SAMSN1: variants seen among roughly 807,000 people sequenced by gnomAD.
The protein encoded by SAMSN1 is SAM domain-containing protein SAMSN-1.
Under a neutral mutation model 42.0 loss-of-function variants are expected in SAMSN1, and 31 were observed. That is an observed-to-expected ratio of 0.74 (90% confidence interval 0.55 to 1.00). The LOEUF (loss-of-function observed/expected upper bound fraction) is 1.00, where lower values mean the gene tolerates loss of function less well. SAMSN1 is among the 50% of genes least tolerant of loss of function. SAMSN1 has a pLI of 0.00. For synonymous variants in SAMSN1, 178 were observed against 151.9 expected, an observed-to-expected ratio of 1.17 and a Z score of -1.26; for missense variants, 464 against 439.4, an observed-to-expected ratio of 1.06 and a Z score of -0.50.
At chr21:14,623,300 C>T (rs986301325) in intron 2 of SAMSN1, among the ~76,000 whole-genome samples, 5 of 152,150 alleles carry the variant, frequency 3.3e-5, no homozygotes, top group Non-Finnish European at 7.4e-5. Context: ...GGGTTAAATG[C>T]TCCAATTAAA....
At chr21:14,500,152 C>T (rs1408386988) in intron 6 of SAMSN1, among the ~76,000 whole-genome samples, 1 of 152,044 alleles carries the variant, frequency 6.6e-6, no homozygotes, top group Non-Finnish European at 1.5e-5. Flanking sequence ...GTAGAAAATA[C>T]AATTCCCTTC....
intron 1 of SAMSN1, among the ~76,000 whole-genome samples, chr21:14,526,419 A>G (rs965671471): frequency 6.6e-6 from 1 of 152,204 alleles, no homozygotes; most frequent in African/African-American, 2.4e-5. Flanking sequence ...GTACAGAACC[A>G]GGGTCAGCTG....
At chr21:14,496,279 G>C (rs1251991172) in intron 7 of SAMSN1, 2 of 152,164 alleles carry the variant, frequency 1.3e-5, no homozygotes, top group Non-Finnish European at 2.9e-5. Context: ...ATGTGGAGGA[G>C]TTTTACAGCA....
In SAMSN1 at chr21:14,619,743, A is replaced by G. The variant is rs1600967894; in HGVS notation, c.157-3727T>C. On this transcript the variant is annotated intron_variant, in intron 2 of 15. Transcript: ENST00000647101. ...ATTTATTAAAAGTTTTATGTGGCAT[A>G]AACCTTCAGAAATGAAGTCCCTAAA... 1.3e-5 allele frequency: 3 copies of G among 226,156 alleles called. No homozygotes were observed. The East Asian group carries it at 3.7e-4, about 28-fold the overall frequency. The allele number at this position is 226,156 out of a possible 1,614,324, so 14.0% of individuals were successfully genotyped here. A position where few individuals can be genotyped will look rare whatever the true frequency, so the allele number is the denominator to read the frequency against.
intron 7 of SAMSN1, among the ~76,000 whole-genome samples, chr21:14,493,446 G>A (rs530381480): frequency 6.6e-6 from 1 of 152,154 alleles, no homozygotes; most frequent in South Asian, 2.1e-4. Context: ...GCTTCTGAAT[G>A]TGAAAAATGA....
At chr21:14,493,841 A>G (rs1231936405) in intron 7 of SAMSN1, among the ~76,000 whole-genome samples, 1 of 152,138 alleles carries the variant, frequency 6.6e-6, no homozygotes, top group Non-Finnish European at 1.5e-5. Context: ...TTTAAATGCA[A>G]CACAGGAGCA....
At chr21:14,490,821 T>C (rs970589980) in intron 7 of SAMSN1, among the ~76,000 whole-genome samples, 2 of 151,254 alleles carry the variant, frequency 1.3e-5, no homozygotes, top group African/African-American at 4.9e-5. Flanking sequence ...TAACGAGATG[T>C]GTACCTGGAA....
At position 14,485,823 on chromosome 21, in the gene SAMSN1, T is replaced by G; in HGVS notation, c.*89A>C. 3.0e-6 allele frequency: 3 copies of G among 1,000,840 alleles called. No individual in the cohort carries two copies. Among genetic ancestry groups the G allele is most frequent in the Non-Finnish European group, 4.7e-6 (3 of 643,522 alleles). 62.0% of individuals were successfully genotyped at this position (1,000,840 alleles called of 1,614,324 possible). Reference sequence around the variant, plus strand: ...AACTTTAGGTTTTATTTACAAATATTTATCTTATCTTCCTCTCCTATTTGA... The same window carrying G: ...AACTTTAGGTTTTATTTACAAATATGTATCTTATCTTCCTCTCCTATTTGA... On this transcript the variant is annotated 3_prime_UTR_variant, in exon 8 of 8. Coordinates refer to ENST00000400566, the MANE Select transcript of SAMSN1 (RefSeq NM_022136.5).
intron 1 of SAMSN1, chr21:14,523,262 G>C (rs1409975255): frequency 6.6e-6 from 1 of 152,156 alleles, no homozygotes; most frequent in African/African-American, 2.4e-5. Context: ...GAAATAAAAA[G>C]ATCCTGACCT....
At chr21:14,506,878 G>A (rs1431844853) in intron 5 of SAMSN1, among the ~76,000 whole-genome samples, 2 of 152,106 alleles carry the variant, frequency 1.3e-5, no homozygotes, top group South Asian at 2.1e-4. Context: ...GGGATGCTGG[G>A]AGGGTTTAAT....
intron 4 of SAMSN1, among the ~76,000 whole-genome samples, chr21:14,610,228 TAAC>T (rs1159563726): frequency 1.9e-4 from 29 of 152,130 alleles, no homozygotes; most frequent in Non-Finnish European, 1.5e-5. Flanking sequence ...TATTAATAAT[TAAC>T]AGCCCTGGGA....
intron 2 of SAMSN1, among the ~76,000 whole-genome samples, chr21:14,552,503 T>A (rs1005233404): frequency 6.6e-6 from 1 of 152,074 alleles, no homozygotes; most frequent in African/African-American, 2.4e-5. Context: ...ACTCCCACTT[T>A]TCCACCATGT....
intron 1 of SAMSN1, among the ~76,000 whole-genome samples, chr21:14,538,539 G>A (rs1276164043): frequency 6.6e-6 from 1 of 152,166 alleles, no homozygotes; most frequent in African/African-American, 2.4e-5. Flanking sequence ...GTAAGCACCA[G>A]TGCATATAAA....
At chr21:14,648,881 A>T (rs1983771323) in intron 1 of SAMSN1, among the ~76,000 whole-genome samples, 1 of 151,872 alleles carries the variant, frequency 6.6e-6, no homozygotes, top group South Asian at 2.1e-4. Context: ...AGGGATCTAG[A>T]ACTAGAAATA....
intron 2 of SAMSN1, among the ~76,000 whole-genome samples, chr21:14,616,525 A>C (rs1982841834): frequency 6.6e-6 from 1 of 152,104 alleles, no homozygotes; most frequent in Non-Finnish European, 1.5e-5. Context: ...TTCATCTGAC[A>C]TTTTTCTTCA....
intron 2 of SAMSN1, among the ~76,000 whole-genome samples, chr21:14,573,384 A>G (rs1035935938): frequency 6.6e-6 from 1 of 152,172 alleles, no homozygotes; most frequent in East Asian, 1.9e-4. Context: ...ATTCTTGTTC[A>G]TGAAGAAGTT....
chr21:14,602,588 C>T (rs948703302), intron 5 of SAMSN1, among the ~76,000 whole-genome samples: 1 of 152,200 alleles, frequency 6.6e-6, no homozygotes, highest in Non-Finnish European at 1.5e-5. Flanking sequence ...CATCCATTTG[C>T]TTGCAGCTAA....
At chr21:14,596,123 A>G (rs774991694) in intron 6 of SAMSN1, among the ~76,000 whole-genome samples, 4 of 152,166 alleles carry the variant, frequency 2.6e-5, no homozygotes. Flanking sequence ...GTGAAAGTAC[A>G]CATCATTAAT....
rs144084436 is a variant in SAMSN1, at chr21:14,534,665, G to A, written c.57+11540C>T. 4.5e-4 allele frequency among the ~76,000 whole-genome samples: 69 copies of A among 152,158 alleles called. No individual in the cohort carries two copies. In the East Asian group the frequency reaches 9.7e-3, roughly 21 times the overall value. ...CAAGTAGCTGGGATTACAGGTGCCCGCCACCAGAAGGAGAGATTATTAAAT... is the reference window on the plus strand; with the variant it reads ...CAAGTAGCTGGGATTACAGGTGCCCACCACCAGAAGGAGAGATTATTAAAT... On this transcript the variant is annotated intron_variant, in intron 1 of 7. Transcript: ENST00000400566.
Sources: allele counts gnomAD v4.1 joint callset (sites outside exome capture counted in the v4.1 genomes callset), GRCh38; gene constraint gnomAD v4.1.1; transcripts MANE v1.5; gene names NCBI Gene and HGNC (gene_info 2026-07-23, HGNC 2026-07-21).